Variants in CRACD observed in about 807,000 individuals in gnomAD.
CRACD encodes capping protein inhibiting regulator of actin dynamics.
Under a neutral mutation model 106.8 loss-of-function variants are expected in CRACD, and 56 were observed. That is an observed-to-expected ratio of 0.52 (90% CI 0.42 to 0.66). The LOEUF is 0.66. Ranked by LOEUF, CRACD falls within the 30% of genes least tolerant of loss-of-function variation. The probability of loss-of-function intolerance (pLI) is 0.00; values close to 1 mark genes in which losing one functional copy is unlikely to be tolerated. For synonymous variants in CRACD, 754 were observed against 670.8 expected (o/e 1.12, Z -1.92); for missense variants, 1,730 against 1,623.2 (o/e 1.07, Z -1.13).
chr4:56,079,043 T>C (rs1255389463), intron 1 of CRACD, among the ~76,000 whole-genome samples: 1 of 152,168 alleles, frequency 6.6e-6, no homozygotes, highest in Non-Finnish European at 1.5e-5. Flanking sequence ...CAAGAAGTGC[T>C]GAGCAAGGGA....
chr4:56,244,589 G>T (rs1258312397), intron 2 of CRACD, among the ~76,000 whole-genome samples: 1 of 152,162 alleles, frequency 6.6e-6, no homozygotes, highest in Non-Finnish European at 1.5e-5. Context: ...ATTCTGAAAT[G>T]CTCTGGACTC....
intron 3 of CRACD, among the ~76,000 whole-genome samples, chr4:56,273,308 T>TCTTCCTTCCTTC (rs1224412354): frequency 6.6e-6 from 1 of 150,800 alleles, no homozygotes; most frequent in African/African-American, 2.4e-5. Flanking sequence ...TTCCTTCCTT[T>TCTTCCTTCCTTC]CTTCCTTCCT....
At chr4:56,283,549 C>T (rs1451233164) in intron 3 of CRACD, among the ~76,000 whole-genome samples, 2 of 152,134 alleles carry the variant, frequency 1.3e-5, no homozygotes, top group African/African-American at 4.8e-5. Flanking sequence ...AGCCTGCAAC[C>T]CAGCCTGGCC....
chr4:56,220,050 A>G (rs1560488662), intron 2 of CRACD, among the ~76,000 whole-genome samples: 1 of 152,194 alleles, frequency 6.6e-6, no homozygotes, highest in African/African-American at 2.4e-5. Flanking sequence ...AAGAGGAAAA[A>G]AGGAATAAAA....
chr4:56,314,750 G>C lies in CRACD; in HGVS notation c.1248G>C (p.Arg416Ser). The C allele has an allele frequency of 1.3e-6, 2 of 1,586,536 alleles. No homozygotes were observed. Among genetic ancestry groups the C allele is most frequent in the South Asian group, 1.2e-5 (1 of 86,828 alleles). The change falls in exon 8 of 11, where the codon AGG becomes AGC. Residue 416 changes from arginine to serine, a missense_variant. Physicochemically the swap from Arg to Ser is moderately radical, Grantham distance 110 (BLOSUM62 -1). Transcript: ENST00000682029. This position sits in a 1 kb window ranked among gnomAD's most constrained non-coding sequence, Gnocchi z 4.4. ...EEGQAHLEDW[R>S]GQLSELLNDF... ...GCCAGGCGCACCTGGAGGACTGGAGGGGGCAGCTCAGTGAGCTTCTGAACG... is the reference window on the plus strand; with the variant it reads ...GCCAGGCGCACCTGGAGGACTGGAGCGGGCAGCTCAGTGAGCTTCTGAACG...
At chr4:56,290,365 A>G (rs1455709557) in intron 3 of CRACD, among the ~76,000 whole-genome samples, 2 of 152,232 alleles carry the variant, frequency 1.3e-5, no homozygotes, top group African/African-American at 4.8e-5. Flanking sequence ...GTAACAAAGA[A>G]ATAGAAAAGA....
chr4:56,271,049 G>C (rs1742321148), intron 2 of CRACD, among the ~76,000 whole-genome samples: 1 of 150,546 alleles, frequency 6.6e-6, no homozygotes, highest in Non-Finnish European at 1.5e-5. Flanking sequence ...AGGTTGCAGG[G>C]AGCCAAGATC....
chr4:56,175,609 C>T (rs1000600294), intron 1 of CRACD, among the ~76,000 whole-genome samples: 1 of 152,016 alleles, frequency 6.6e-6, no homozygotes, highest in Non-Finnish European at 1.5e-5. Flanking sequence ...CACAGGGTAT[C>T]CTCTTTTGCC....
chr4:56,054,048 G>A (rs1731967145), intron 1 of CRACD, among the ~76,000 whole-genome samples: 1 of 152,138 alleles, frequency 6.6e-6, no homozygotes, highest in East Asian at 1.9e-4. Flanking sequence ...TTGACCCTTA[G>A]TGGATTGTTA....
At chr4:56,277,397 C>CATCT (rs1742734563) in intron 3 of CRACD, among the ~76,000 whole-genome samples, 1 of 151,050 alleles carries the variant, frequency 6.6e-6, no homozygotes, top group Non-Finnish European at 1.5e-5. Flanking sequence ...ACCACATGAT[C>CATCT]ATCTCAATAA....
intron 1 of CRACD, among the ~76,000 whole-genome samples, chr4:56,177,148 G>A (rs1009127370): frequency 6.6e-6 from 1 of 152,140 alleles, no homozygotes; most frequent in Non-Finnish European, 1.5e-5. Context: ...GAGCTTAGAA[G>A]AAAGGCTTTC....
intron 2 of CRACD, among the ~76,000 whole-genome samples, chr4:56,236,780 G>A (rs190169756): frequency 2.7e-5 from 4 of 150,052 alleles, no homozygotes; most frequent in East Asian, 3.9e-4. Flanking sequence ...AATATGCCAT[G>A]AGAAAAGTTA....
At chr4:56,062,105 C>T (rs1732296988) in intron 1 of CRACD, among the ~76,000 whole-genome samples, 1 of 152,176 alleles carries the variant, frequency 6.6e-6, no homozygotes, top group African/African-American at 2.4e-5. Context: ...TATTCATCCC[C>T]AATTCTGAGG....
chr4:56,089,509 A>ATTTTTT (rs761380094), intron 1 of CRACD, among the ~76,000 whole-genome samples: 1 of 124,316 alleles, frequency 8.0e-6, no homozygotes, highest in Non-Finnish European at 1.7e-5. Flanking sequence ...GTATTATAGG[A>ATTTTTT]TTTTTTTTTT....
intron 4 of CRACD, among the ~76,000 whole-genome samples, chr4:56,301,565 A>C (rs1744369793): frequency 6.6e-6 from 1 of 152,042 alleles, no homozygotes; most frequent in Non-Finnish European, 1.5e-5. Flanking sequence ...TGTCTACTGG[A>C]GTGCCTTTTT....
chr4:56,255,435 TA>T, intron 2 of CRACD, among the ~76,000 whole-genome samples: 1 of 152,146 alleles, frequency 6.6e-6, no homozygotes, highest in East Asian at 1.9e-4. Context: ...TTGAAATTTT[TA>T]ACAGTTCATG....
At chr4:56,158,705 A>G (rs951628950) in intron 1 of CRACD, among the ~76,000 whole-genome samples, 1 of 152,192 alleles carries the variant, frequency 6.6e-6, no homozygotes, top group Non-Finnish European at 1.5e-5. Flanking sequence ...GGTGACAGCA[A>G]ACGACCACAT....
chr4:56,070,187 T>C (rs78246482), intron 1 of CRACD, among the ~76,000 whole-genome samples: 3,661 of 152,220 alleles, frequency 0.024, 63 homozygotes, highest in Admixed American at 0.058. Context: ...GTGTGATCTC[T>C]GCTCAGGGCA....
intron 1 of CRACD, among the ~76,000 whole-genome samples, chr4:56,091,650 A>T (rs537407207): frequency 6.6e-6 from 1 of 152,290 alleles, no homozygotes; most frequent in African/African-American, 2.4e-5. Flanking sequence ...TTACTAAACC[A>T]CTTGCTGCCA....
Sources: gnomAD v4.1 joint callset for allele counts (sites outside exome capture counted in the v4.1 genomes callset) on GRCh38, gnomAD v4.1.1 for gene constraint, Gnocchi (gnomAD v3.1) non-coding constraint, MANE v1.5 for transcripts, NCBI Gene and HGNC (gene_info 2026-07-23, HGNC 2026-07-21) for gene names.